Variants in MEGF10 observed in about 807,000 individuals in gnomAD.
MEGF10 encodes multiple epidermal growth factor-like domains protein 10.
Under a neutral mutation model 147.5 loss-of-function variants are expected in MEGF10, and 86 were observed. That is an observed-to-expected ratio of 0.58 (90% confidence interval 0.49 to 0.70). MEGF10 has a LOEUF of 0.70. MEGF10 is among the 30% of genes least tolerant of loss of function. MEGF10 has a pLI of 0.00. For synonymous variants in MEGF10, 478 were observed against 525.5 expected (o/e 0.91, Z 1.24); for missense variants, 1,329 against 1,487.3 (o/e 0.89, Z 1.75).
intron 12 of MEGF10, 112 bp from the exon 13 acceptor site, chr5:127,422,558 C>T (rs1006414169): frequency 1.2e-5 from 9 of 732,656 alleles, no homozygotes; most frequent in Non-Finnish European, 1.4e-5. Context: ...CTGTAAGAAG[C>T]GTTTGGGACA....
At chr5:127,399,222 A>G (rs934335384) in intron 7 of MEGF10, among the ~76,000 whole-genome samples, 2 of 152,210 alleles carry the variant, frequency 1.3e-5, no homozygotes, top group Non-Finnish European at 2.9e-5. Flanking sequence ...AAAAAAAATC[A>G]TAGAAATCTG....
In MEGF10 at chr5:127,447,865, C is replaced by A. The variant is rs58718502; in HGVS notation, c.2856+181C>A. On this transcript the variant is annotated intron_variant, in intron 21 of 24. Transcript: ENST00000503335. ...GAATCTCAAGTTTACTGATGAAAACCTGAGTAGTAGGGAGTTTAAGTTACT... is the reference window on the plus strand; with the variant it reads ...GAATCTCAAGTTTACTGATGAAAACATGAGTAGTAGGGAGTTTAAGTTACT... Among the ~76,000 whole-genome samples the A allele has an allele frequency of 0.069, 10,490 of 152,158 alleles. 1,216 individuals carry two copies. Among genetic ancestry groups the A allele is most frequent in the African/African-American group, 0.24 (9,868 of 41,448 alleles).
chr5:127,337,145 T>C (rs1761502111), intron 2 of MEGF10, among the ~76,000 whole-genome samples: 3 of 152,152 alleles, frequency 2.0e-5, no homozygotes, highest in Non-Finnish European at 4.4e-5. Context: ...GTTTCACCTA[T>C]ATAGGCAGAA....
At chr5:127,335,838 C>T (rs769549119) in intron 2 of MEGF10, among the ~76,000 whole-genome samples, 1 of 151,832 alleles carries the variant, frequency 6.6e-6, no homozygotes, top group Non-Finnish European at 1.5e-5. Context: ...AGTTCTGTCT[C>T]TTGCTCTGTT....
intron 1 of MEGF10, among the ~76,000 whole-genome samples, chr5:127,301,651 A>C (rs1759777865): frequency 6.6e-6 from 1 of 152,182 alleles, no homozygotes; most frequent in African/African-American, 2.4e-5. Context: ...TACCACTGAC[A>C]TCTTGGTGAC....
At chr5:127,253,285 G>T in the MEGF10 span, among the ~76,000 whole-genome samples, 1 of 151,866 alleles carries the variant, frequency 6.6e-6, no homozygotes, top group Non-Finnish European at 1.5e-5. Context: ...ATGAAGGAGT[G>T]TTTAGATAGG....
At position 127,445,559 on chromosome 5, in the gene MEGF10, T is replaced by C; in HGVS notation, c.2594T>C (p.Leu865Pro). Reference sequence around the variant, plus strand: ...GGGGCCATTGCAGGCATCATCATTCTTGTCCTAGTTGTTCTCTTCCTACTG... The same window carrying C: ...GGGGCCATTGCAGGCATCATCATTCCTGTCCTAGTTGTTCTCTTCCTACTG... ...QIGAIAGIII[L>P]VLVVLFLLAL... The change falls in exon 20 of 25, where the codon CTT becomes CCT. Residue 865 changes from leucine to proline, a missense_variant. Leu to Pro is a moderately conservative substitution (Grantham distance 98). This residue lies in a region of MEGF10 where 343 missense variants were observed against 377.9 expected (regional missense o/e 0.91). Coordinates refer to ENST00000503335, the MANE Select transcript of MEGF10 (RefSeq NM_001256545.2). The C allele has an allele frequency of 6.2e-7, 1 of 1,614,152 alleles. No homozygotes were observed. Among genetic ancestry groups the C allele is most frequent in the Non-Finnish European group, 8.5e-7 (1 of 1,180,016 alleles).
At chr5:127,350,676 G>A (rs1017433649) in intron 4 of MEGF10, among the ~76,000 whole-genome samples, 2 of 151,966 alleles carry the variant, frequency 1.3e-5, no homozygotes, top group Non-Finnish European at 2.9e-5. Flanking sequence ...AGACCCCTGG[G>A]CCCTTCCCTT....
chr5:127,402,209 A>G (rs1279904688), intron 7 of MEGF10, among the ~76,000 whole-genome samples: 1 of 152,246 alleles, frequency 6.6e-6, no homozygotes, highest in Non-Finnish European at 1.5e-5. Flanking sequence ...AAGGAAGAAC[A>G]CTTATGAGGA....
chr5:127,378,251 G>T (rs1355039544), intron 5 of MEGF10, among the ~76,000 whole-genome samples: 1 of 152,168 alleles, frequency 6.6e-6, no homozygotes, highest in Non-Finnish European at 1.5e-5. Flanking sequence ...GGCTTGTGGG[G>T]ATTAAATGAA....
At chr5:127,433,601 T>A (rs1156576909) in intron 14 of MEGF10, 92 bp downstream of exon 14, 4 of 1,452,942 alleles carry the variant, frequency 2.8e-6, no homozygotes, top group Non-Finnish European at 2.8e-6. Context: ...CAGTTTATAG[T>A]GATGTCCTGT....
At chr5:127,333,159 G>A (rs960906633) in intron 2 of MEGF10, among the ~76,000 whole-genome samples, 2 of 152,092 alleles carry the variant, frequency 1.3e-5, no homozygotes, top group Non-Finnish European at 2.9e-5. Flanking sequence ...ATATAGATTT[G>A]GGAATATCCA....
At chr5:127,352,460 G>A (rs918951795) in intron 4 of MEGF10, among the ~76,000 whole-genome samples, 4 of 152,266 alleles carry the variant, frequency 2.6e-5, no homozygotes, top group South Asian at 4.1e-4. Context: ...TCAGGAGTTC[G>A]AGACTAGCCT....
Position 127,427,064 on chromosome 5 carries a change from T to G in MEGF10, c.1693+4292T>G, listed in dbSNP as rs79933486. On this transcript the variant is annotated intron_variant, in intron 13 of 24. Transcript: ENST00000503335. ...GAAAAGATTTGGAAATCCCTCAGGA[T>G]GTACTCCTTGGCACATGAAGTGCAA... Among the ~76,000 whole-genome samples, 312 of 152,358 alleles carry G rather than the reference T, an allele frequency of 2.0e-3. 2 individuals are homozygous for G. Among genetic ancestry groups the G allele is most frequent in the Middle Eastern group, 0.01 (3 of 294 alleles).
At chr5:127,414,705 T>C (rs937696258) in intron 9 of MEGF10, among the ~76,000 whole-genome samples, 5 of 152,198 alleles carry the variant, frequency 3.3e-5, no homozygotes, top group African/African-American at 1.2e-4. Flanking sequence ...GTATCACCTG[T>C]GGCATTTTCA....
the MEGF10 span, among the ~76,000 whole-genome samples, chr5:127,230,044 T>C: frequency 6.6e-6 from 1 of 152,016 alleles, no homozygotes; most frequent in Non-Finnish European, 1.5e-5. Flanking sequence ...GCATCTAAAA[T>C]TTTAGTTTTT....
At chr5:127,427,275 C>A (rs186988038) in intron 13 of MEGF10, among the ~76,000 whole-genome samples, 1 of 152,170 alleles carries the variant, frequency 6.6e-6, no homozygotes, top group African/African-American at 2.4e-5. Flanking sequence ...GTCTGGGGTG[C>A]ATTTCTTTGA....
rs907242213 is a variant in MEGF10, at chr5:127,438,555, T to C, written c.2221T>C (p.Tyr741His). The part of the protein sequence containing the change: ...CKCTPGWTGL[Y>H]CTQRCPLGFY... ...ATGCACTCCTGGCTGGACAGGGCTCTACTGCACTCAGAGTAAGTGACAAGC... is the reference window on the plus strand; with the variant it reads ...ATGCACTCCTGGCTGGACAGGGCTCCACTGCACTCAGAGTAAGTGACAAGC... The change falls in exon 17 of 25, where the codon TAC (tyrosine) becomes CAC (histidine). Residue 741 changes from tyrosine to histidine, a missense_variant. Physicochemically the swap from Tyr to His is moderately conservative, Grantham distance 83. Around this residue, in one of 3 missense-constraint regions of MEGF10, gnomAD observed 980 missense variants for 1,085.9 expected, o/e 0.90. Coordinates refer to ENST00000503335, the MANE Select transcript of MEGF10 (RefSeq NM_001256545.2). The C allele has an allele frequency of 2.5e-6, 4 of 1,613,932 alleles. No individual in the cohort carries two copies. The African/African-American group carries it at 4.0e-5, about 16-fold the overall frequency.
chr5:127,451,713 G>C (rs1039270732), intron 22 of MEGF10, among the ~76,000 whole-genome samples: 5 of 152,196 alleles, frequency 3.3e-5, no homozygotes, highest in Non-Finnish European at 5.9e-5. Flanking sequence ...TGAGACCCAA[G>C]GGACTGAGTG....
Sources: allele counts gnomAD v4.1 joint callset (sites outside exome capture counted in the v4.1 genomes callset), GRCh38; gene constraint gnomAD v4.1.1; regional missense constraint gnomAD v4.1.1; transcripts MANE v1.5; gene names NCBI Gene and HGNC (gene_info 2026-07-23, HGNC 2026-07-21).